Variants in KANK1 observed in about 807,000 individuals in gnomAD.
KANK1 encodes KN motif and ankyrin repeat domain-containing protein 1.
A neutral mutation model predicts 106.2 loss-of-function variants in KANK1; 109 were observed. The ratio of observed to expected loss-of-function variants is 1.03; its 90% CI spans 0.88 to 1.20. KANK1 has a LOEUF of 1.20. Ranked by LOEUF, KANK1 falls within the 50% of genes most tolerant of loss-of-function variation. The pLI, the probability that KANK1 is intolerant of heterozygous loss-of-function variation, is 0.00. For missense variants in KANK1, 2,399 were observed against 1,710.7 expected (o/e 1.40, Z -7.10); for synonymous variants, 873 against 652.2 (o/e 1.34, Z -5.16).
intron 1 of KANK1, among the ~76,000 whole-genome samples, chr9:613,563 C>G (rs984008982): frequency 6.6e-6 from 1 of 152,018 alleles, no homozygotes; most frequent in Admixed American, 6.6e-5. Flanking sequence ...ACGTTGGACT[C>G]CCCTGCTGTA....
At chr9:630,957 AAAAC>A (rs1835580117) in intron 1 of KANK1, among the ~76,000 whole-genome samples, 2 of 151,842 alleles carry the variant, frequency 1.3e-5, no homozygotes, top group African/African-American at 2.4e-5. Context: ...TCTGTCTCAA[AAAAC>A]AAAACAAAAC....
rs1589320823 is a variant in KANK1 at position 738,300 on chromosome 9, A to C, written c.3349A>C (p.Thr1117Pro). 6.2e-7 allele frequency: 1 copy of C among 1,612,574 alleles called. No homozygotes were observed. Among genetic ancestry groups the C allele is most frequent in the Non-Finnish European group, 8.5e-7 (1 of 1,179,452 alleles). Residue 1117 changes from threonine (T) to proline (P), a missense_variant, in exon 8 of 12, where the codon ACC (threonine) becomes CCC (proline). Physicochemically the swap from Thr to Pro is conservative, Grantham distance 38. Coordinates refer to ENST00000382297, the MANE Select transcript of KANK1 (RefSeq NM_015158.5). ...TSKDMRFCLN[T>P]LQHEWFRVSS... is the part of the protein sequence containing the mutation. Reference sequence around the variant, plus strand: ...GTTTTGGCAGAGGTTCTGTCTGAACACCCTCCAGCACGAGTGGTTCCGCGT... The same window carrying C: ...GTTTTGGCAGAGGTTCTGTCTGAACCCCCTCCAGCACGAGTGGTTCCGCGT...
intron 2 of KANK1, among the ~76,000 whole-genome samples, chr9:701,359 C>A (rs1320707524): frequency 2.6e-5 from 4 of 152,238 alleles, no homozygotes; most frequent in Admixed American, 1.3e-4. Flanking sequence ...CCGCCTTGGC[C>A]TCCCAAAGTG....
intron 1 of KANK1, among the ~76,000 whole-genome samples, chr9:590,324 TGAG>T (rs78425256): frequency 0.25 from 37,617 of 151,842 alleles, 4,845 homozygotes; most frequent in Admixed American, 0.34. Flanking sequence ...ATCTGTGAAA[TGAG>T]GAGTTGGACT....
At chr9:605,302 A>AG (rs1828821765) in intron 1 of KANK1, among the ~76,000 whole-genome samples, 1 of 50,638 alleles carries the variant, frequency 2.0e-5, no homozygotes, top group Non-Finnish European at 5.8e-5. Context: ...CTCCGTCTCA[A>AG]AAAAAAAAAA....
chr9:695,099 A>G (rs1468474727), intron 2 of KANK1, among the ~76,000 whole-genome samples: 1 of 152,138 alleles, frequency 6.6e-6, no homozygotes, highest in Non-Finnish European at 1.5e-5. Flanking sequence ...TCGTGCATGA[A>G]CTAGGAAGTG....
chr9:584,151 T>G (rs1194464900), intron 1 of KANK1, among the ~76,000 whole-genome samples: 3 of 152,162 alleles, frequency 2.0e-5, no homozygotes, highest in Admixed American at 6.5e-5. Flanking sequence ...TCAAGGGAAT[T>G]TATTAAAATG....
At chr9:640,081 C>A (rs934924733) in intron 1 of KANK1, among the ~76,000 whole-genome samples, 2 of 152,142 alleles carry the variant, frequency 1.3e-5, no homozygotes, top group Non-Finnish European at 2.9e-5. Flanking sequence ...TACTCAGCTT[C>A]ATTTTAGGAT....
chr9:506,634 C>T (rs1445628136), intron 1 of KANK1, among the ~76,000 whole-genome samples: 1 of 152,068 alleles, frequency 6.6e-6, no homozygotes, highest in African/African-American at 2.4e-5. Context: ...AAACTGGCCC[C>T]AAAGAAAGAA....
intron 2 of KANK1, among the ~76,000 whole-genome samples, chr9:701,931 G>C (rs762443577): frequency 6.6e-6 from 1 of 152,156 alleles, no homozygotes; most frequent in African/African-American, 2.4e-5. Flanking sequence ...CTTTGTTAAT[G>C]CAGAAGAATT....
intron 1 of KANK1, among the ~76,000 whole-genome samples, chr9:549,943 G>C (rs1414105898): frequency 6.6e-6 from 1 of 152,136 alleles, no homozygotes; most frequent in Non-Finnish European, 1.5e-5. Context: ...TGAGGGGGCA[G>C]TGGTCAGAAA....
At chr9:550,742 G>A (rs563091118) in intron 1 of KANK1, among the ~76,000 whole-genome samples, 2 of 152,332 alleles carry the variant, frequency 1.3e-5, no homozygotes, top group South Asian at 2.1e-4. Flanking sequence ...GTTTGGCGGT[G>A]TGGGAGTTAC....
At chr9:671,670 CA>C in intron 1 of KANK1, among the ~76,000 whole-genome samples, 1 of 135,354 alleles carries the variant, frequency 7.4e-6, no homozygotes, top group Non-Finnish European at 1.6e-5. Flanking sequence ...CTGTGTGTCT[CA>C]TGTAAGTACT....
rs573090273 is a variant in KANK1, at chr9:639,842, G to C, written c.-83-37048G>C. On this transcript the variant is annotated intron_variant, in intron 1 of 11. Coordinates refer to ENST00000382297, the MANE Select transcript of KANK1 (RefSeq NM_015158.5). ...TATCTGGTGAGGGCCTGTTCCTCAA[G>C]GATAGTGCCTTCTATGTCCTTACAT... 2.0e-5 allele frequency among the ~76,000 whole-genome samples: 3 copies of C among 152,304 alleles called. No individual in the cohort carries two copies. The South Asian group carries it at 6.2e-4, about 32-fold the overall frequency.
At chr9:725,148 G>A (rs1051879857) in intron 3 of KANK1, among the ~76,000 whole-genome samples, 3 of 152,194 alleles carry the variant, frequency 2.0e-5, no homozygotes, top group Admixed American at 6.5e-5. Flanking sequence ...TTGGGGACAG[G>A]GGACTGTTCA....
intron 3 of KANK1, among the ~76,000 whole-genome samples, chr9:725,636 G>A (rs1160708468): frequency 2.0e-5 from 3 of 152,142 alleles, no homozygotes; most frequent in East Asian, 3.9e-4. Flanking sequence ...TGTAGGTGGT[G>A]GGGAATGTCA....
chr9:611,407 A>C (rs1040085137), intron 1 of KANK1, among the ~76,000 whole-genome samples: 15 of 152,200 alleles, frequency 9.9e-5, no homozygotes, highest in Non-Finnish European at 1.9e-4. Context: ...AAAGTACAGG[A>C]CTCAAGTAAT....
At chr9:648,214 G>A (rs1178357985) in intron 1 of KANK1, among the ~76,000 whole-genome samples, 1 of 143,118 alleles carries the variant, frequency 7.0e-6, no homozygotes, top group East Asian at 1.9e-4. Flanking sequence ...ATGTTGGTAA[G>A]GATGGTCTCA....
rs1837063231 is a variant in KANK1 at position 745,967 on chromosome 9, A to G, written c.*732A>G. 2 of 152,668 alleles carry G rather than the reference A, an allele frequency of 1.3e-5. No homozygotes were observed. Among genetic ancestry groups the G allele is most frequent in the South Asian group, 2.1e-4 (1 of 4,834 alleles). 9.5% of individuals were successfully genotyped at this position (152,668 alleles called of 1,614,324 possible). A position where few individuals can be genotyped will look rare whatever the true frequency, so the allele number is the denominator to read the frequency against. On this transcript the variant is annotated 3_prime_UTR_variant, in exon 12 of 12. Transcript: ENST00000382297. ...AGGAATCGGCTCTGTATTTGCCTCT[A>G]GAGAAACACAGTGTTCTCTTTGTAT...
Sources: allele counts gnomAD v4.1 joint callset (sites outside exome capture counted in the v4.1 genomes callset), GRCh38; gene constraint gnomAD v4.1.1; transcripts MANE v1.5; gene names NCBI Gene and HGNC (gene_info 2026-07-23, HGNC 2026-07-21).